Variants in PUM1 observed in about 807,000 individuals in gnomAD.
PUM1 encodes the protein pumilio homolog 1.
In PUM1, 13 loss-of-function variants were observed where a neutral mutation model predicts 131.8. The ratio of observed to expected loss-of-function variants is 0.10; its 90% CI spans 0.06 to 0.16. The LOEUF is 0.16. Ranked by LOEUF, PUM1 falls within the 10% of genes least tolerant of loss-of-function variation. The pLI, the probability that PUM1 is intolerant of heterozygous loss-of-function variation, is 1.00. For missense variants in PUM1, 961 were observed against 1,512.4 expected, an observed-to-expected ratio of 0.64 and a Z score of 6.05; for synonymous variants, 509 against 556.5, an observed-to-expected ratio of 0.91 and a Z score of 1.20.
chr1:31,027,799 C>T (rs1643280895), intron 3 of PUM1, among the ~76,000 whole-genome samples: 1 of 152,158 alleles, frequency 6.6e-6, no homozygotes, highest in Non-Finnish European at 1.5e-5. Context: ...TAGCACAGTG[C>T]CTGGGGATCA....
At chr1:30,946,655 A>T (rs1476184700) in intron 17 of PUM1, among the ~76,000 whole-genome samples, 1 of 141,482 alleles carries the variant, frequency 7.1e-6, no homozygotes, top group Non-Finnish European at 1.5e-5. Flanking sequence ...AAAAAAAATT[A>T]TTTTATATAT....
chr1:30,992,814 C>T (rs1307875763), intron 6 of PUM1, among the ~76,000 whole-genome samples, 154 bp from the exon 7 acceptor site: 1 of 152,202 alleles, frequency 6.6e-6, no homozygotes, highest in African/African-American at 2.4e-5. Context: ...ACAGGGCTTA[C>T]AGGGTTACAT....
chr1:31,024,783 T>C (rs1262026742), intron 3 of PUM1, among the ~76,000 whole-genome samples: 1 of 152,232 alleles, frequency 6.6e-6, no homozygotes, highest in African/African-American at 2.4e-5. Flanking sequence ...TCCATCCTTT[T>C]CTAGGTCATG....
chr1:31,046,114 C>T (rs866034127), intron 2 of PUM1, among the ~76,000 whole-genome samples: 25 of 149,408 alleles, frequency 1.7e-4, no homozygotes, highest in East Asian at 4.0e-4. Flanking sequence ...GGGCTGGGGG[C>T]GGTAGCTCAC....
chr1:31,038,984 A>ATATATATATTTTT, intron 2 of PUM1, among the ~76,000 whole-genome samples: 4 of 49,416 alleles, frequency 8.1e-5, no homozygotes, highest in African/African-American at 6.2e-4. Context: ...ATATATATAT[A>ATATATATATTTTT]TTTTTTTTTT....
rs182416157 is a variant in PUM1, at chr1:30,956,421, G to A, written c.2324-2440C>T. 1.4e-3 allele frequency among the ~76,000 whole-genome samples: 209 copies of A among 152,130 alleles called. No homozygotes were observed. The East Asian group carries it at 0.015, about 11-fold the overall frequency. ...TGGGACTACAGGTGTGCACCACCACGCCCGGCTAATTTTTGTACTTTTAGT... is the reference window on the plus strand; with the variant it reads ...TGGGACTACAGGTGTGCACCACCACACCCGGCTAATTTTTGTACTTTTAGT... On this transcript the variant is annotated intron_variant, in intron 14 of 21. Transcript: ENST00000426105.
chr1:30,966,980 C>A (rs1011323169), intron 12 of PUM1, 187 bp downstream of exon 12: 1 of 641,564 alleles, frequency 1.6e-6, no homozygotes, highest in Non-Finnish European at 2.4e-6. Flanking sequence ...CCCCAACCCA[C>A]CAACCCCCCA....
At chr1:30,953,670 A>T in intron 15 of PUM1, 44 bp downstream of exon 15, 1 of 1,607,232 alleles carries the variant, frequency 6.2e-7, no homozygotes, top group South Asian at 1.1e-5. Flanking sequence ...CAGTTAAGGC[A>T]TTACAATTTC....
At chr1:30,965,840 AT>A in intron 13 of PUM1, 141 bp downstream of exon 13, 1 of 808,578 alleles carries the variant, frequency 1.2e-6, no homozygotes, top group Non-Finnish European at 1.9e-6. Flanking sequence ...ATAGTCTATC[AT>A]CTCACAGATT....
At chr1:31,032,885 C>A (rs1643480990) in intron 2 of PUM1, among the ~76,000 whole-genome samples, 1 of 152,102 alleles carries the variant, frequency 6.6e-6, no homozygotes, top group South Asian at 2.1e-4. Flanking sequence ...GCGGGCAGAT[C>A]ACCTGAGGTC....
chr1:30,941,391 A>G, intron 19 of PUM1, 119 bp from the exon 20 acceptor site: 1 of 1,032,578 alleles, frequency 9.7e-7, no homozygotes, highest in East Asian at 2.6e-5. Flanking sequence ...GTTTATATGA[A>G]TACTAATGAA....
rs1639224189 is a variant in PUM1 at position 30,936,732 on chromosome 1, T to C, written c.3346A>G (p.Thr1116Ala). 1 of 1,614,104 alleles carries C rather than the reference T, an allele frequency of 6.2e-7. No individual in the cohort carries two copies. Among genetic ancestry groups the C allele is most frequent in the Non-Finnish European group, 8.5e-7 (1 of 1,179,994 alleles). ...TTGGCATACTGGTCCTTCATCATGGTGTATAAGGCACTGTGGGGACCGTCG... is the reference window on the plus strand; with the variant it reads ...TTGGCATACTGGTCCTTCATCATGGCGTATAAGGCACTGTGGGGACCGTCG... Reference protein sequence around the residue: ...MNDGPHSALYTMMKDQYANYV... With the variant: ...MNDGPHSALYAMMKDQYANYV... The change falls in exon 21 of 22, where the codon ACC becomes GCC. Residue 1116 changes from threonine (T) to alanine (A), a missense_variant. Thr to Ala is a moderately conservative substitution (Grantham distance 58). Around this residue, in one of 4 missense-constraint regions of PUM1, gnomAD observed 178 missense variants for 327.5 expected, o/e 0.54. Transcript: ENST00000426105.
intron 14 of PUM1, among the ~76,000 whole-genome samples, chr1:30,961,947 A>G (rs1283119648): frequency 6.6e-6 from 1 of 152,228 alleles, no homozygotes; most frequent in African/African-American, 2.4e-5. Flanking sequence ...AAGCTATATT[A>G]GGTGTGGGCC....
At chr1:30,967,350 C>G (rs1557559535) in intron 11 of PUM1, 40 bp from the exon 12 acceptor site, 1 of 1,579,992 alleles carries the variant, frequency 6.3e-7, no homozygotes, top group East Asian at 2.3e-5. Context: ...ATATGTTAAA[C>G]AAACAAGTAT....
At chr1:30,992,819 T>C (rs957657137) in intron 6 of PUM1, among the ~76,000 whole-genome samples, 159 bp from the exon 7 acceptor site, 2 of 152,204 alleles carry the variant, frequency 1.3e-5, no homozygotes, top group Non-Finnish European at 2.9e-5. Flanking sequence ...GCTTACAGGG[T>C]TACATCTTCT....
At chr1:31,058,005 G>C (rs1013258470) in intron 2 of PUM1, among the ~76,000 whole-genome samples, 11 of 152,096 alleles carry the variant, frequency 7.2e-5, no homozygotes, top group African/African-American at 2.7e-4. Flanking sequence ...AGGAAACATG[G>C]ATAAGGCTAA....
At chr1:31,014,818 T>C (rs990634953) in intron 3 of PUM1, among the ~76,000 whole-genome samples, 13 of 149,136 alleles carry the variant, frequency 8.7e-5, no homozygotes, top group African/African-American at 2.7e-4. Flanking sequence ...GAAAGCAAAC[T>C]GCAAACTAAG....
At chr1:30,966,362 C>A in intron 12 of PUM1, 84 bp from the exon 13 acceptor site, 3 of 1,334,828 alleles carry the variant, frequency 2.2e-6, no homozygotes, top group Non-Finnish European at 3.1e-6. Flanking sequence ...TTCAAAAAAT[C>A]TTTTAATGCT....
At chr1:31,000,718 T>C (rs1642178316) in intron 5 of PUM1, among the ~76,000 whole-genome samples, 1 of 152,212 alleles carries the variant, frequency 6.6e-6, no homozygotes, top group Admixed American at 6.5e-5. Flanking sequence ...TACAAAGTAT[T>C]TTATACCTGC....
Sources: allele counts gnomAD v4.1 joint callset (sites outside exome capture counted in the v4.1 genomes callset), GRCh38; gene constraint gnomAD v4.1.1; regional missense constraint gnomAD v4.1.1; transcripts MANE v1.5; gene names NCBI Gene and HGNC (gene_info 2026-07-23, HGNC 2026-07-21).